Variants in SNRPD3 observed in about 807,000 individuals in gnomAD.
SNRPD3 encodes the protein small nuclear ribonucleoprotein D3 polypeptide.
For missense variants in SNRPD3, 73 were observed against 167.5 expected (o/e 0.44, Z 3.11); for synonymous variants, 66 against 58.4 (o/e 1.13, Z -0.59).
In SNRPD3 at chr22:24,573,665, A is replaced by G. The variant is rs751203258; in HGVS notation, c.*1688A>G. Reference sequence around the variant, plus strand: ...CGAGGCGGGAGGATCACTTGAACCTAGGAGTTTGAGACTAGCCTGGGCTGT... The same window carrying G: ...CGAGGCGGGAGGATCACTTGAACCTGGGAGTTTGAGACTAGCCTGGGCTGT... On this transcript the variant is annotated 3_prime_UTR_variant, in exon 4 of 4. Transcript: ENST00000215829. Among the ~76,000 whole-genome samples the G allele has an allele frequency of 5.3e-5, 8 of 152,208 alleles. No homozygotes were observed. Among genetic ancestry groups the G allele is most frequent in the Non-Finnish European group, 8.8e-5 (6 of 68,034 alleles).
chr22:24,564,060 A>G (rs1299900121), intron 2 of SNRPD3, among the ~76,000 whole-genome samples: 2 of 152,108 alleles, frequency 1.3e-5, no homozygotes, highest in African/African-American at 4.8e-5. Flanking sequence ...GATTGCATTC[A>G]TCATGCTCCT....
At chr22:24,556,474 G>C (rs1250134007) in intron 1 of SNRPD3, among the ~76,000 whole-genome samples, 1 of 151,348 alleles carries the variant, frequency 6.6e-6, no homozygotes, top group Non-Finnish European at 1.5e-5. Context: ...GCCTTCCAAA[G>C]TGCTGGGATT....
At chr22:24,560,428 CTTTTTTTTTTTTTTTTTTT>C (rs60835175) in intron 2 of SNRPD3, among the ~76,000 whole-genome samples, 21 of 49,096 alleles carry the variant, frequency 4.3e-4, no homozygotes, top group African/African-American at 1.3e-3. Flanking sequence ...AGCTTGCTTG[CTTTTTTTTTTTTTTTTTTT>C]TTTTTTTTTT....
chr22:24,561,380 G>T, intron 2 of SNRPD3, among the ~76,000 whole-genome samples: 1 of 152,260 alleles, frequency 6.6e-6, no homozygotes, highest in African/African-American at 2.4e-5. Context: ...GGCCTGTAAA[G>T]ATTTTTTGTC....
chr22:24,571,890 G>T (rs895379437), intron 3 of SNRPD3, 26 bp from the exon 4 acceptor site: 1 of 1,613,782 alleles, frequency 6.2e-7, no homozygotes, highest in Non-Finnish European at 8.5e-7. Flanking sequence ...CACTGACCTG[G>T]CCTCATATTT....
At chr22:24,569,765 G>A (rs990150689) in intron 3 of SNRPD3, among the ~76,000 whole-genome samples, 7 of 152,174 alleles carry the variant, frequency 4.6e-5, no homozygotes, top group South Asian at 2.1e-4. Flanking sequence ...CACACAACTC[G>A]GGAATCACAT....
At chr22:24,568,258 C>T (rs2045214357) in intron 3 of SNRPD3, 82 bp downstream of exon 3, 1 of 1,105,486 alleles carries the variant, frequency 9.0e-7, no homozygotes, top group East Asian at 2.5e-5. Flanking sequence ...TGCCTGGAGA[C>T]AGAGAGGGTT....
Position 24,572,333 on chromosome 22 carries a change from C to T in SNRPD3, c.*356C>T, listed in dbSNP as rs965886265. On this transcript the variant is annotated 3_prime_UTR_variant, in exon 4 of 4. Transcript: ENST00000215829. The stretch of plus-strand genomic sequence containing the variant: ...AGAAAAGTTCACCTTGGAGAAGCTC[C>T]GAGAACACACAGATTGTGTCTCATT... The T allele has an allele frequency of 1.2e-5, 7 of 583,780 alleles. No individual in the cohort carries two copies. The highest frequency in any genetic ancestry group is 4.1e-5 in the South Asian group (2 of 48,280). The allele number at this position is 583,780 out of a possible 1,614,324, so 36.2% of individuals were successfully genotyped here.
At chr22:24,565,861 G>A (rs148382362) in intron 2 of SNRPD3, among the ~76,000 whole-genome samples, 3,006 of 152,038 alleles carry the variant, frequency 0.02, 100 homozygotes, top group African/African-American at 0.069. Context: ...GGGTTTCACC[G>A]TGTTTGCCAG....
In SNRPD3 at chr22:24,572,448, T is replaced by A. The variant is rs972974135; in HGVS notation, c.*471T>A. 1.8e-5 allele frequency: 6 copies of A among 331,572 alleles called. No homozygotes were observed. The highest frequency in any genetic ancestry group is 1.1e-4 in the African/African-American group (5 of 46,418). 20.5% of individuals were successfully genotyped at this position (331,572 alleles called of 1,614,324 possible). On this transcript the variant is annotated 3_prime_UTR_variant, in exon 4 of 4. Transcript: ENST00000215829. ...GCTCAGCTTTAACAACACAGGTGAC[T>A]CTTTCCCTTGATAAAGTCATAGGTA...
intron 2 of SNRPD3, among the ~76,000 whole-genome samples, chr22:24,566,358 A>T (rs1446853719): frequency 4.6e-5 from 7 of 151,984 alleles, no homozygotes; most frequent in Non-Finnish European, 1.0e-4. Context: ...TGCAGCCTCG[A>T]CCTCCCAGAA....
chr22:24,571,855 CTG>C (rs2045253174), intron 3 of SNRPD3, 59 bp from the exon 4 acceptor site: 5 of 1,580,374 alleles, frequency 3.2e-6, no homozygotes, highest in Non-Finnish European at 4.3e-6. Flanking sequence ...CCTGGCTACT[CTG>C]TGCTATGAGC....
At chr22:24,561,576 C>T (rs2045143822) in intron 2 of SNRPD3, among the ~76,000 whole-genome samples, 1 of 152,194 alleles carries the variant, frequency 6.6e-6, no homozygotes, top group African/African-American at 2.4e-5. Flanking sequence ...ACTCTGAGCA[C>T]AGTTTAGTTT....
chr22:24,567,926 C>A, intron 2 of SNRPD3, 58 bp from the exon 3 acceptor site: 2 of 1,384,398 alleles, frequency 1.4e-6, no homozygotes, highest in Non-Finnish European at 2.0e-6. Context: ...CCAGTCAAGG[C>A]CCTCCCCACC....
chr22:24,562,065 C>G (rs1474925275), intron 2 of SNRPD3, among the ~76,000 whole-genome samples: 1 of 152,150 alleles, frequency 6.6e-6, no homozygotes. Context: ...ACTCTGTTGC[C>G]CAGGCTAGTC....
rs1071684 is a variant in SNRPD3, at chr22:24,574,752, A to G, written c.*2775A>G. Among the ~76,000 whole-genome samples, 19 of 152,022 alleles carry G rather than the reference A, an allele frequency of 1.2e-4. No individual in the cohort carries two copies. Among genetic ancestry groups the G allele is most frequent in the African/African-American group, 4.6e-4 (19 of 41,378 alleles). The stretch of plus-strand genomic sequence containing the variant: ...AGACAGGGTTTTGCCATGTTGCCCA[A>G]GCTGGTCTTGAACTCCGGGGCTCAA... On this transcript the variant is annotated 3_prime_UTR_variant, in exon 4 of 4. Coordinates refer to ENST00000215829, the MANE Select transcript of SNRPD3 (RefSeq NM_004175.5).
intron 1 of SNRPD3, among the ~76,000 whole-genome samples, chr22:24,557,377 G>A (rs2045085355): frequency 6.6e-6 from 1 of 152,170 alleles, no homozygotes; most frequent in African/African-American, 2.4e-5. Flanking sequence ...GGGACATAGG[G>A]TAGCGGGGAC....
At position 24,571,984 on chromosome 22, in the gene SNRPD3, A is replaced by T. The variant is rs2045254403; in HGVS notation, c.*7A>T. On this transcript the variant is annotated 3_prime_UTR_variant, in exon 4 of 4. Coordinates refer to ENST00000215829, the MANE Select transcript of SNRPD3 (RefSeq NM_004175.5). ...CTTTCAAAAGCGAAGATAATTTTCT[A>T]AGTTGAACAGAACTTTGTCCTTTTT... 6.2e-7 allele frequency: 1 copy of T among 1,614,014 alleles called. No homozygotes were observed. Among genetic ancestry groups the T allele is most frequent in the Non-Finnish European group, 8.5e-7 (1 of 1,179,864 alleles).
chr22:24,566,258 G>A (rs1013421945), intron 2 of SNRPD3, among the ~76,000 whole-genome samples: 2 of 152,044 alleles, frequency 1.3e-5, no homozygotes, highest in African/African-American at 4.8e-5. Context: ...CAACAGGGGC[G>A]GCCCCAGAGC....
Sources: allele counts gnomAD v4.1 joint callset (sites outside exome capture counted in the v4.1 genomes callset), GRCh38; gene constraint gnomAD v4.1.1; transcripts MANE v1.5; gene names NCBI Gene and HGNC (gene_info 2026-07-23, HGNC 2026-07-21).